Variants in HYDIN observed in about 807,000 individuals in gnomAD.
HYDIN encodes the protein axonemal central pair apparatus protein HYDIN.
Under a neutral mutation model 403.9 loss-of-function variants are expected in HYDIN, and 132 were observed. The ratio of observed to expected loss-of-function variants is 0.33; its 90% CI spans 0.28 to 0.38. The LOEUF (loss-of-function observed/expected upper bound fraction) is 0.38. Among genes scored for constraint, HYDIN ranks in the 10% least tolerant of loss-of-function variants. The pLI, the probability that HYDIN is intolerant of heterozygous loss-of-function variation, is 1.00. For synonymous variants in HYDIN, 1,202 were observed against 1,891.7 expected (o/e 0.64, Z 9.46); for missense variants, 2,827 against 5,009.5 (o/e 0.56, Z 13.15).
intron 30 of HYDIN, among the ~76,000 whole-genome samples, chr16:70,978,170 T>C (rs2078942442): frequency 6.6e-6 from 1 of 150,916 alleles, no homozygotes; most frequent in Admixed American, 6.6e-5. Context: ...CTGAGTTGCC[T>C]GTCTCAGTCC....
chr16:71,180,859 G>A (rs890820996), intron 3 of HYDIN, among the ~76,000 whole-genome samples: 4 of 151,910 alleles, frequency 2.6e-5, no homozygotes, highest in Admixed American at 1.3e-4. Flanking sequence ...ATTAATAAGT[G>A]ATTTATCAAG....
intron 7 of HYDIN, among the ~76,000 whole-genome samples, chr16:71,151,269 C>T (rs973450693): frequency 3.3e-5 from 5 of 152,060 alleles, no homozygotes; most frequent in Admixed American, 2.0e-4. Flanking sequence ...AGATAGACCA[C>T]ATCACTGGCT....
At chr16:71,120,106 AC>A in intron 9 of HYDIN, among the ~76,000 whole-genome samples, 1 of 151,840 alleles carries the variant, frequency 6.6e-6, no homozygotes, top group East Asian at 1.9e-4. Flanking sequence ...TCTACATGTG[AC>A]CCCTCTCCCA....
chr16:71,176,411 G>A (rs2086674140), intron 4 of HYDIN, among the ~76,000 whole-genome samples: 1 of 151,930 alleles, frequency 6.6e-6, no homozygotes, highest in East Asian at 1.9e-4. Flanking sequence ...GAGCATTTGA[G>A]AACTGCTCTG....
chr16:71,138,983 C>T (rs1268559916), intron 7 of HYDIN, among the ~76,000 whole-genome samples: 2 of 151,512 alleles, frequency 1.3e-5, no homozygotes, highest in African/African-American at 4.9e-5. Flanking sequence ...ACTCAGGCAG[C>T]TGAGGCAGGA....
At chr16:70,855,986 T>C (rs1463091615) in intron 72 of HYDIN, among the ~76,000 whole-genome samples, 1 of 151,756 alleles carries the variant, frequency 6.6e-6, no homozygotes, top group African/African-American at 2.4e-5. Flanking sequence ...TAATTGGAAC[T>C]TGATTAAATT....
chr16:71,071,862 G>A (rs2082477720), intron 13 of HYDIN, among the ~76,000 whole-genome samples: 1 of 152,216 alleles, frequency 6.6e-6, no homozygotes. Context: ...TGAGAGACTG[G>A]GGGATTCATG....
At chr16:70,866,721 A>C (rs1380434928) in intron 66 of HYDIN, among the ~76,000 whole-genome samples, 2 of 152,154 alleles carry the variant, frequency 1.3e-5, no homozygotes, top group Non-Finnish European at 2.9e-5. Context: ...TATTAAAATT[A>C]ATAACAGAAA....
chr16:70,863,501 AC>A (rs1489597058), intron 67 of HYDIN, among the ~76,000 whole-genome samples: 1 of 152,210 alleles, frequency 6.6e-6, no homozygotes, highest in Non-Finnish European at 1.5e-5. Flanking sequence ...GAGAGAGGAA[AC>A]AAAATCTATT....
Position 70,805,392 on chromosome 16 carries a change from A to G in HYDIN, c.*2188T>C, listed in dbSNP as rs577759864. On this transcript the variant is annotated 3_prime_UTR_variant, in exon 86 of 86. Coordinates refer to ENST00000393567, the MANE Select transcript of HYDIN (RefSeq NM_001270974.2). ...CAGGTGATGCTGATGCTGCAGGTCC[A>G]TAGGCCACTCCGAATAACCAGGAGG... Among the ~76,000 whole-genome samples the G allele has an allele frequency of 6.6e-6, 1 of 152,318 alleles. No homozygotes were observed. The highest frequency in any genetic ancestry group is 1.9e-4 in the East Asian group (1 of 5,188).
At chr16:71,167,907 C>T (rs917289851) in intron 5 of HYDIN, among the ~76,000 whole-genome samples, 1 of 151,792 alleles carries the variant, frequency 6.6e-6, no homozygotes, top group African/African-American at 2.4e-5. Flanking sequence ...TGTTCCCTAT[C>T]TCTGTAAATG....
Position 70,872,100 on chromosome 16 carries a change from G to A in HYDIN, c.11028C>T (p.His3676=), listed in dbSNP as rs377514166. 4.6e-5 allele frequency: 72 copies of A among 1,574,762 alleles called. No individual in the cohort carries two copies. In the East Asian group the frequency reaches 1.4e-3, roughly 31 times the overall value. ...CAAACCGTATCAAGTTCACTTGGCT[G>A]TGATTTGTGACTGTGAAGCTCGCAT... is the stretch of plus-strand genomic sequence containing the variant. ...SYNASFTVTN[H]SQVNLIRFEW... Residue 3676 remains histidine (H), a synonymous_variant, in exon 65 of 86, where the codon CAC becomes CAT. Coordinates refer to ENST00000393567, the MANE Select transcript of HYDIN (RefSeq NM_001270974.2).
At chr16:71,019,977 G>A (rs1405414993) in intron 22 of HYDIN, among the ~76,000 whole-genome samples, 197 bp downstream of exon 22, 58 of 152,014 alleles carry the variant, frequency 3.8e-4, no homozygotes, top group East Asian at 9.7e-4. Flanking sequence ...GTGAGACCTT[G>A]GGCAAAATAC....
intron 19 of HYDIN, among the ~76,000 whole-genome samples, chr16:71,028,672 C>T (rs1353022296): frequency 2.0e-5 from 3 of 151,436 alleles, no homozygotes; most frequent in African/African-American, 7.3e-5. Context: ...GAGATTTCAT[C>T]CCATCTGTTC....
In HYDIN at chr16:70,802,977, A is replaced by T. The variant is rs911418663; in HGVS notation, c.*4603T>A. On this transcript the variant is annotated 3_prime_UTR_variant, in exon 86 of 86. Coordinates refer to ENST00000393567, the MANE Select transcript of HYDIN (RefSeq NM_001270974.2). ...ATTTTGATGATGGTTGATGAAAAAC[A>T]CTGAAAAAATGTAAATCAATGGGAA... 1 of 152,208 alleles carries T rather than the reference A, an allele frequency of 6.6e-6. No individual in the cohort carries two copies. The highest frequency in any genetic ancestry group is 1.9e-4 in the East Asian group (1 of 5,202). The allele number at this position is 152,208 out of a possible 1,614,324, so 9.4% of individuals were successfully genotyped here. A position where few individuals can be genotyped will look rare whatever the true frequency, so the allele number is the denominator to read the frequency against.
intron 11 of HYDIN, among the ~76,000 whole-genome samples, chr16:71,089,865 C>T (rs2083058811): frequency 7.0e-6 from 1 of 143,498 alleles, no homozygotes; most frequent in African/African-American, 2.6e-5. Context: ...TGAGATAATG[C>T]ATATTCAGTG....
intron 62 of HYDIN, among the ~76,000 whole-genome samples, chr16:70,876,013 A>T (rs1177506426): frequency 2.0e-5 from 3 of 152,080 alleles, no homozygotes; most frequent in African/African-American, 4.8e-5. Flanking sequence ...AATATATATA[A>T]AAAAATTTTT....
chr16:70,875,110 G>A (rs528138271), intron 62 of HYDIN, among the ~76,000 whole-genome samples, 191 bp from the exon 63 acceptor site: 2 of 152,040 alleles, frequency 1.3e-5, no homozygotes, highest in Non-Finnish European at 2.9e-5. Context: ...AGAACATTCA[G>A]TCAGATCAGC....
At position 70,804,968 on chromosome 16, in the gene HYDIN, T is replaced by C. The variant is rs1223600485; in HGVS notation, c.*2612A>G. On this transcript the variant is annotated 3_prime_UTR_variant, in exon 86 of 86. Coordinates refer to ENST00000393567, the MANE Select transcript of HYDIN (RefSeq NM_001270974.2). ...GGGGCTGGTGGCATGTTAGACAAGA[T>C]TTCAGACAGCTTCTTCCACCTTTTC... Among the ~76,000 whole-genome samples, 2 of 152,228 alleles carry C rather than the reference T, an allele frequency of 1.3e-5. No homozygotes were observed.
Sources: allele counts gnomAD v4.1 joint callset (sites outside exome capture counted in the v4.1 genomes callset), GRCh38; gene constraint gnomAD v4.1.1; transcripts MANE v1.5; gene names NCBI Gene and HGNC (gene_info 2026-07-23, HGNC 2026-07-21).